PRKAR2B: variants seen among roughly 807,000 people sequenced by gnomAD.
The protein encoded by PRKAR2B is cAMP-dependent protein kinase type II-beta regulatory subunit.
In PRKAR2B, 14 loss-of-function variants were observed where a neutral mutation model predicts 49.9. That is an observed-to-expected ratio of 0.28 (90% confidence interval 0.19 to 0.44). PRKAR2B has a LOEUF of 0.44. Among genes scored for constraint, PRKAR2B ranks in the 20% least tolerant of loss-of-function variants. The pLI is 1.00. For missense variants in PRKAR2B, 393 were observed against 537.9 expected (o/e 0.73, Z 2.67); for synonymous variants, 196 against 197.7 (o/e 0.99, Z 0.07).
chr7:107,056,911 C>T (rs1055967898), intron 1 of PRKAR2B, among the ~76,000 whole-genome samples: 1 of 152,190 alleles, frequency 6.6e-6, no homozygotes, highest in Admixed American at 6.5e-5. Context: ...ACAGAACGCA[C>T]GTGCACAGGC....
intron 2 of PRKAR2B, among the ~76,000 whole-genome samples, chr7:107,096,386 T>G (rs1794837647): frequency 6.6e-6 from 1 of 152,174 alleles, no homozygotes; most frequent in African/African-American, 2.4e-5. Flanking sequence ...TATTTGATTC[T>G]TCTCTCTTTT....
intron 4 of PRKAR2B, among the ~76,000 whole-genome samples, chr7:107,132,564 A>T (rs531145805): frequency 1.8e-4 from 28 of 152,236 alleles, no homozygotes; most frequent in African/African-American, 6.7e-4. Flanking sequence ...CAGACAGAAA[A>T]GAATGGTTTC....
chr7:107,131,104 G>A (rs1408684465), intron 4 of PRKAR2B, among the ~76,000 whole-genome samples: 1 of 152,200 alleles, frequency 6.6e-6, no homozygotes, highest in Non-Finnish European at 1.5e-5. Flanking sequence ...ACTAGAGCTA[G>A]ATGTGAAAAT....
intron 2 of PRKAR2B, among the ~76,000 whole-genome samples, chr7:107,090,306 C>A (rs1584422046): frequency 6.6e-6 from 1 of 152,184 alleles, no homozygotes; most frequent in Non-Finnish European, 1.5e-5. Flanking sequence ...AGCATCGCCA[C>A]TGCAGTTCCA....
chr7:107,098,887 C>T (rs1294532631), intron 2 of PRKAR2B, among the ~76,000 whole-genome samples: 2 of 152,158 alleles, frequency 1.3e-5, no homozygotes, highest in Non-Finnish European at 2.9e-5. Flanking sequence ...AGCTTTGTCT[C>T]ATAGGGGCAC....
chr7:107,148,954 G>T (rs1701008277), intron 6 of PRKAR2B, among the ~76,000 whole-genome samples: 1 of 152,196 alleles, frequency 6.6e-6, no homozygotes, highest in Non-Finnish European at 1.5e-5. Context: ...TTCTTTCTGA[G>T]AGATATAACT....
At chr7:107,092,099 T>C (rs1321602710) in intron 2 of PRKAR2B, among the ~76,000 whole-genome samples, 1 of 152,164 alleles carries the variant, frequency 6.6e-6, no homozygotes, top group Admixed American at 6.5e-5. Context: ...AATAGTCTAA[T>C]AAGGTTTGGA....
chr7:107,142,886 C>T (rs774982918), intron 5 of PRKAR2B, among the ~76,000 whole-genome samples: 45 of 151,886 alleles, frequency 3.0e-4, no homozygotes, highest in African/African-American at 9.2e-4. Context: ...CCTCAGCCTG[C>T]GGAGTAGCTG....
intron 2 of PRKAR2B, among the ~76,000 whole-genome samples, chr7:107,105,337 G>GC (rs750149219): frequency 2.0e-5 from 3 of 152,148 alleles, no homozygotes; most frequent in Non-Finnish European, 2.9e-5. Context: ...TTGAACTGTG[G>GC]CCTGTAAGTG....
chr7:107,120,527 A>G (rs2115581914), intron 2 of PRKAR2B, among the ~76,000 whole-genome samples: 1 of 152,332 alleles, frequency 6.6e-6, no homozygotes, highest in Admixed American at 6.5e-5. Context: ...TCAGCCTTTC[A>G]TTTATTCTTT....
At chr7:107,092,629 A>G (rs1794751433) in intron 2 of PRKAR2B, among the ~76,000 whole-genome samples, 1 of 152,214 alleles carries the variant, frequency 6.6e-6, no homozygotes, top group Non-Finnish European at 1.5e-5. Flanking sequence ...AATTAAGAGA[A>G]GAGCAAAAAT....
intron 1 of PRKAR2B, among the ~76,000 whole-genome samples, chr7:107,062,649 G>T (rs574717143): frequency 1.2e-4 from 18 of 152,180 alleles, no homozygotes; most frequent in African/African-American, 3.9e-4. Context: ...GGATGTATAT[G>T]TTTATCAAAA....
chr7:107,119,684 C>T (rs1265232224), intron 2 of PRKAR2B, among the ~76,000 whole-genome samples: 1 of 152,174 alleles, frequency 6.6e-6, no homozygotes, highest in Non-Finnish European at 1.5e-5. Flanking sequence ...AACAAAGTTT[C>T]CTACTTCCCA....
chr7:107,109,916 AC>A (rs1795142140), intron 2 of PRKAR2B, among the ~76,000 whole-genome samples: 1 of 152,192 alleles, frequency 6.6e-6, no homozygotes, highest in East Asian at 1.9e-4. Flanking sequence ...ACATTATTGA[AC>A]AACTATCCAA....
In PRKAR2B at chr7:107,160,812, G is replaced by A. The variant is rs1562875757; in HGVS notation, c.*1230G>A. On this transcript the variant is annotated 3_prime_UTR_variant, in exon 11 of 11. Transcript: ENST00000265717. ...AAATTAGTGCAGAAAGAACTCAGAT[G>A]TACTAGATTTTCATTGTTCATTGAT... The A allele has an allele frequency of 6.6e-6, 1 of 152,134 alleles. No homozygotes were observed. The highest frequency in any genetic ancestry group is 6.5e-5 in the Admixed American group (1 of 15,286). 9.4% of individuals were successfully genotyped at this position (152,134 alleles called of 1,614,324 possible). A position where few individuals can be genotyped will look rare whatever the true frequency, so the allele number is the denominator to read the frequency against.
At chr7:107,051,744 CTA>C (rs995203034) in intron 1 of PRKAR2B, among the ~76,000 whole-genome samples, 2 of 150,706 alleles carry the variant, frequency 1.3e-5, no homozygotes, top group Admixed American at 6.6e-5. Context: ...TGTTTGGAAA[CTA>C]AAAAAAAAAG....
chr7:107,127,222 G>C (rs1166903632), intron 3 of PRKAR2B, among the ~76,000 whole-genome samples: 2 of 152,252 alleles, frequency 1.3e-5, no homozygotes, highest in African/African-American at 4.8e-5. Context: ...GCTGCCTGAA[G>C]AGGCAAGGTA....
intron 4 of PRKAR2B, among the ~76,000 whole-genome samples, chr7:107,129,250 T>C (rs1275137502): frequency 6.6e-6 from 1 of 152,252 alleles, no homozygotes; most frequent in African/African-American, 2.4e-5. Context: ...GTGTAATTTA[T>C]GTTTATATTA....
chr7:107,089,667 T>C (rs1426275694), intron 2 of PRKAR2B, among the ~76,000 whole-genome samples: 1 of 152,258 alleles, frequency 6.6e-6, no homozygotes. Context: ...GCAGTGGTTC[T>C]GAAATACATG....
Sources: allele counts gnomAD v4.1 joint callset (sites outside exome capture counted in the v4.1 genomes callset), GRCh38; gene constraint gnomAD v4.1.1; transcripts MANE v1.5; gene names NCBI Gene and HGNC (gene_info 2026-07-23, HGNC 2026-07-21).